The following ADAMTS3 variants were observed in gnomAD, a reference collection of about 807,000 sequenced individuals.
The protein encoded by ADAMTS3 is A disintegrin and metalloproteinase with thrombospondin motifs 3.
Under a neutral mutation model 129.0 loss-of-function variants are expected in ADAMTS3, and 73 were observed. The ratio of observed to expected loss-of-function variants is 0.57; its 90% confidence interval spans 0.47 to 0.69. ADAMTS3 has a LOEUF of 0.69. Ranked by LOEUF, ADAMTS3 falls within the 30% of genes least tolerant of loss-of-function variation. The pLI is 0.00. For synonymous variants in ADAMTS3, 477 were observed against 510.8 expected, an observed-to-expected ratio of 0.93 and a Z score of 0.89; for missense variants, 1,457 against 1,514.5, an observed-to-expected ratio of 0.96 and a Z score of 0.63.
chr4:72,332,705 G>A (rs1027680004), intron 5 of ADAMTS3, among the ~76,000 whole-genome samples: 2 of 144,500 alleles, frequency 1.4e-5, no homozygotes, highest in Admixed American at 6.7e-5. Context: ...GAGTGTTGCT[G>A]ATGGAAAATA....
intron 4 of ADAMTS3, among the ~76,000 whole-genome samples, chr4:72,389,532 A>AC (rs1721531650): frequency 1.3e-5 from 2 of 149,552 alleles, no homozygotes; most frequent in South Asian, 4.1e-4. Flanking sequence ...AAAAAAACAA[A>AC]AAAAAAAAAT....
chr4:72,470,718 A>C (rs1201816906), intron 3 of ADAMTS3, among the ~76,000 whole-genome samples: 1 of 152,060 alleles, frequency 6.6e-6, no homozygotes, highest in Admixed American at 6.6e-5. Context: ...GGTGAGTTAA[A>C]CTGCTGGGCT....
chr4:72,331,707 T>C (rs951405398), intron 5 of ADAMTS3, among the ~76,000 whole-genome samples: 4 of 152,170 alleles, frequency 2.6e-5, no homozygotes, highest in African/African-American at 9.7e-5. Flanking sequence ...AGTATCTTGT[T>C]ACAAGCTGTT....
At chr4:72,343,568 T>C (rs1720194985) in intron 4 of ADAMTS3, among the ~76,000 whole-genome samples, 1 of 152,146 alleles carries the variant, frequency 6.6e-6, no homozygotes, top group Non-Finnish European at 1.5e-5. Context: ...AAAATATCTT[T>C]GAAAAACAAC....
intron 3 of ADAMTS3, among the ~76,000 whole-genome samples, chr4:72,467,419 T>C (rs1718951515): frequency 6.6e-6 from 1 of 152,048 alleles, no homozygotes. Context: ...CACTCCTAAG[T>C]GAAAACCTGC....
At chr4:72,369,469 G>A (rs887913520) in intron 4 of ADAMTS3, among the ~76,000 whole-genome samples, 2 of 152,132 alleles carry the variant, frequency 1.3e-5, no homozygotes, top group African/African-American at 4.8e-5. Flanking sequence ...CCAGCACCTT[G>A]AGAGGCCGAG....
chr4:72,380,517 A>G (rs1326179924), intron 4 of ADAMTS3, among the ~76,000 whole-genome samples: 4 of 152,182 alleles, frequency 2.6e-5, no homozygotes, highest in Non-Finnish European at 4.4e-5. Flanking sequence ...TGCTCACTGG[A>G]TCAAACAAGC....
At chr4:72,519,046 C>G (rs1000972776) in intron 3 of ADAMTS3, among the ~76,000 whole-genome samples, 5 of 150,614 alleles carry the variant, frequency 3.3e-5, no homozygotes, top group African/African-American at 1.2e-4. Flanking sequence ...GTGACAAAAT[C>G]TCTCAGCATT....
At chr4:72,529,714 AAT>A (rs1720914666) in intron 3 of ADAMTS3, among the ~76,000 whole-genome samples, 1 of 106,254 alleles carries the variant, frequency 9.4e-6, no homozygotes, top group Non-Finnish European at 1.8e-5. Context: ...TATTAAATAT[AAT>A]ATATATTAAT....
intron 3 of ADAMTS3, among the ~76,000 whole-genome samples, chr4:72,477,831 T>C (rs1181736978): frequency 6.6e-6 from 1 of 151,822 alleles, no homozygotes; most frequent in African/African-American, 2.4e-5. Flanking sequence ...AAGAATCAAA[T>C]AGACGCAATA....
chr4:72,502,300 C>A (rs1357248920), intron 3 of ADAMTS3, among the ~76,000 whole-genome samples: 1 of 151,946 alleles, frequency 6.6e-6, no homozygotes, highest in African/African-American at 2.4e-5. Context: ...GAACTTGATA[C>A]CATTCTGTTC....
At position 72,414,834 on chromosome 4, in the gene ADAMTS3, G is replaced by A. The variant is rs1166448070; in HGVS notation, c.642C>T (p.Ser214=). Residue 214 remains serine (S), a synonymous_variant, in exon 4 of 22, where the codon TCC becomes TCT. Transcript: ENST00000286657. ...GCCTACCTCTGTAGTGGAAGTCTTT[G>A]GACATGTCTATGGGAGCCTGTTCTA... ...SAVEQAPIDM[S]KDFHYRESDL... 2 of 1,498,654 alleles carry A rather than the reference G, an allele frequency of 1.3e-6. No individual in the cohort carries two copies. Among genetic ancestry groups the A allele is most frequent in the Admixed American group, 4.9e-5 (2 of 40,670 alleles). The allele number at this position is 1,498,654 out of a possible 1,614,324, so 92.8% of individuals were successfully genotyped here.
In ADAMTS3 at chr4:72,456,017, C is replaced by T. The variant is rs1246145689; in HGVS notation, c.505-41046G>A. Among the ~76,000 whole-genome samples the T allele has an allele frequency of 3.1e-4, 4 of 13,010 alleles. 1 individual carries two copies. The highest frequency in any genetic ancestry group is 6.7e-4 in the African/African-American group (2 of 2,968). The allele number at this position is 13,010 out of a possible 152,430, so 8.5% of individuals were successfully genotyped here. On this transcript the variant is annotated intron_variant, in intron 3 of 21. Coordinates refer to ENST00000286657, the MANE Select transcript of ADAMTS3 (RefSeq NM_014243.3). ...ATATATTTTACATATAGTATATATA[C>T]TATATATATATTTTACATATAGTAT...
chr4:72,384,867 T>A (rs1292310483), intron 4 of ADAMTS3, among the ~76,000 whole-genome samples: 1 of 152,140 alleles, frequency 6.6e-6, no homozygotes, highest in South Asian at 2.1e-4. Context: ...CTGTTATAAC[T>A]ATAGCATAAA....
At chr4:72,411,789 T>C (rs1416120582) in intron 4 of ADAMTS3, among the ~76,000 whole-genome samples, 1 of 152,124 alleles carries the variant, frequency 6.6e-6, no homozygotes, top group Admixed American at 6.6e-5. Context: ...GGAAAGAGAA[T>C]TCTCTAGTCT....
intron 3 of ADAMTS3, among the ~76,000 whole-genome samples, chr4:72,425,914 C>G (rs1358679858): frequency 3.3e-5 from 5 of 151,898 alleles, no homozygotes; most frequent in Non-Finnish European, 5.9e-5. Context: ...ACCACACTGA[C>G]TTCCACAATG....
rs1237400555 is a variant in ADAMTS3, at chr4:72,506,455, C to T, written c.504+42023G>A. Among the ~76,000 whole-genome samples the T allele has an allele frequency of 3.3e-5, 5 of 152,244 alleles. No homozygotes were observed. The East Asian group carries it at 7.7e-4, about 24-fold the overall frequency. On this transcript the variant is annotated intron_variant, in intron 3 of 21. Coordinates refer to ENST00000286657, the MANE Select transcript of ADAMTS3 (RefSeq NM_014243.3). ...TTTCCAAAGTTCTGGCTGTGGTGAC[C>T]CCTACCCTGCTCCAAAGCAAGCAGT...
chr4:72,472,728 T>C (rs1719108105), intron 3 of ADAMTS3, among the ~76,000 whole-genome samples: 1 of 152,148 alleles, frequency 6.6e-6, no homozygotes, highest in Admixed American at 6.5e-5. Context: ...AGGGGAATAA[T>C]TACTGAAAAT....
chr4:72,365,649 T>C (rs1720852336), intron 4 of ADAMTS3, among the ~76,000 whole-genome samples: 1 of 152,196 alleles, frequency 6.6e-6, no homozygotes, highest in African/African-American at 2.4e-5. Context: ...GATAGTAAAG[T>C]ATCCGGAACA....
Sources: gnomAD v4.1 joint callset for allele counts (sites outside exome capture counted in the v4.1 genomes callset) on GRCh38, gnomAD v4.1.1 for gene constraint, MANE v1.5 for transcripts, NCBI Gene and HGNC (gene_info 2026-07-23, HGNC 2026-07-21) for gene names.